The following NEDD9 variants were observed in gnomAD, a reference collection of about 807,000 sequenced individuals.
The protein encoded by NEDD9 is neural precursor cell expressed, developmentally down-regulated 9.
NEDD9 carries 26 observed loss-of-function variants against 76.6 expected under a neutral mutation model. The ratio of observed to expected loss-of-function variants is 0.34; its 90% CI spans 0.25 to 0.47. NEDD9 has a LOEUF of 0.47. NEDD9 is among the 20% of genes least tolerant of loss of function. The probability of loss-of-function intolerance (pLI) is 1.00; values close to 1 mark genes in which losing one functional copy is unlikely to be tolerated. For synonymous variants in NEDD9, 392 were observed against 414.2 expected (o/e 0.95, Z 0.65); for missense variants, 937 against 1,058.5 (o/e 0.89, Z 1.59).
chr6:11,352,668 G>A (rs1401241602), intron 1 of NEDD9: 1 of 152,162 alleles, frequency 6.6e-6, no homozygotes, highest in Non-Finnish European at 1.5e-5. Flanking sequence ...AACTCTTTGA[G>A]CTTCTGTTTC....
chr6:11,246,156 G>A (rs1450047466), intron 3 of NEDD9, among the ~76,000 whole-genome samples: 2 of 152,198 alleles, frequency 1.3e-5, no homozygotes, highest in African/African-American at 4.8e-5. Context: ...ATAAAAGAAT[G>A]TCATGGACCC....
chr6:11,330,314 G>C (rs776463666), intron 2 of NEDD9, among the ~76,000 whole-genome samples: 1 of 152,196 alleles, frequency 6.6e-6, no homozygotes, highest in African/African-American at 2.4e-5. Context: ...ATCTGTGGGA[G>C]GGAGAAGACC....
chr6:11,277,565 C>T (rs936483431), intron 3 of NEDD9, among the ~76,000 whole-genome samples: 1 of 152,158 alleles, frequency 6.6e-6, no homozygotes, highest in Admixed American at 6.5e-5. Context: ...AGAAAAGGCT[C>T]AGAGAGCAGC....
At chr6:11,288,879 A>G (rs1354578671) in intron 3 of NEDD9, among the ~76,000 whole-genome samples, 1 of 152,258 alleles carries the variant, frequency 6.6e-6, no homozygotes, top group Non-Finnish European at 1.5e-5. Context: ...TTTTACAGAC[A>G]GATGGATGTT....
At chr6:11,321,194 AAGG>A (rs1761791546) in intron 2 of NEDD9, among the ~76,000 whole-genome samples, 1 of 137,582 alleles carries the variant, frequency 7.3e-6, no homozygotes, top group Non-Finnish European at 1.6e-5. Flanking sequence ...GGAAAGAAGG[AAGG>A]AGGGAGGGAA....
chr6:11,337,262 T>C (rs556361866), intron 1 of NEDD9, among the ~76,000 whole-genome samples: 9 of 152,264 alleles, frequency 5.9e-5, no homozygotes, highest in African/African-American at 2.2e-4. Context: ...CTGGAATACT[T>C]CCTGAAGGAC....
upstream of NEDD9, among the ~76,000 whole-genome samples, chr6:11,234,853 T>C (rs1308940690): frequency 2.0e-5 from 3 of 151,830 alleles, no homozygotes; most frequent in African/African-American, 7.3e-5. Flanking sequence ...TGGGATTACA[T>C]GTGTCTGCCA....
intron 1 of NEDD9, among the ~76,000 whole-genome samples, chr6:11,357,715 C>A (rs1029352917): frequency 3.0e-4 from 46 of 152,316 alleles, no homozygotes; most frequent in African/African-American, 1.0e-3. Flanking sequence ...AGTATTCAGT[C>A]CCAATGACCC....
intron 3 of NEDD9, among the ~76,000 whole-genome samples, chr6:11,293,659 C>T (rs1760826134): frequency 6.6e-6 from 1 of 151,098 alleles, no homozygotes; most frequent in Admixed American, 6.6e-5. Context: ...TTAAGATCTA[C>T]TGTGGTAGCA....
At chr6:11,260,024 G>A (rs533741208) in intron 3 of NEDD9, among the ~76,000 whole-genome samples, 4 of 151,504 alleles carry the variant, frequency 2.6e-5, no homozygotes, top group African/African-American at 4.8e-5. Flanking sequence ...GTCAGAAATC[G>A]TACCATTAGG....
intron 3 of NEDD9, among the ~76,000 whole-genome samples, chr6:11,268,771 A>C (rs1760250404): frequency 6.6e-6 from 1 of 151,458 alleles, no homozygotes; most frequent in Non-Finnish European, 1.5e-5. Context: ...ACACACACAC[A>C]ACCAATATTT....
At chr6:11,372,544 C>A (rs1018502803) in intron 1 of NEDD9, among the ~76,000 whole-genome samples, 1 of 152,114 alleles carries the variant, frequency 6.6e-6, no homozygotes. Context: ...TATGACAGCT[C>A]TATTTTTAGT....
chr6:11,378,045 C>G (rs1220561814), intron 1 of NEDD9, among the ~76,000 whole-genome samples: 1 of 152,102 alleles, frequency 6.6e-6, no homozygotes, highest in Admixed American at 6.5e-5. Context: ...GAGCTCAAGA[C>G]CAGCCTGGCC....
intron 2 of NEDD9, among the ~76,000 whole-genome samples, chr6:11,308,151 T>G (rs1250196192): frequency 6.6e-6 from 1 of 151,972 alleles, no homozygotes; most frequent in African/African-American, 2.4e-5. Flanking sequence ...ACTTGAGGGC[T>G]CAAGAGTGAT....
At chr6:11,243,760 C>G (rs956863097) in intron 3 of NEDD9, among the ~76,000 whole-genome samples, 1 of 152,188 alleles carries the variant, frequency 6.6e-6, no homozygotes, top group Non-Finnish European at 1.5e-5. Context: ...TCTCCCTTAT[C>G]TATCTCATGC....
chr6:11,277,038 G>A (rs920119985), intron 3 of NEDD9, among the ~76,000 whole-genome samples: 21 of 151,898 alleles, frequency 1.4e-4, no homozygotes, highest in African/African-American at 5.1e-4. Context: ...TACCAGCACA[G>A]TACAAGAGGG....
intron 1 of NEDD9, among the ~76,000 whole-genome samples, chr6:11,349,533 A>T (rs1001161754): frequency 2.6e-5 from 4 of 152,250 alleles, no homozygotes; most frequent in African/African-American, 7.2e-5. Context: ...ATGGCCATCA[A>T]TGATAGACTG....
At chr6:11,374,066 C>CTCTCTCTA (rs1554136634) in intron 1 of NEDD9, among the ~76,000 whole-genome samples, 13 of 149,554 alleles carry the variant, frequency 8.7e-5, no homozygotes, top group African/African-American at 3.2e-4. Context: ...CTCTCTCTCT[C>CTCTCTCTA]TATATATATA....
intron 2 of NEDD9, among the ~76,000 whole-genome samples, chr6:11,206,218 A>C (rs1176817506): frequency 3.3e-5 from 5 of 152,056 alleles, no homozygotes; most frequent in African/African-American, 4.8e-5. Flanking sequence ...CAGGAGTTTG[A>C]GACCAGCCTG....
Sources: gnomAD v4.1 joint callset for allele counts (sites outside exome capture counted in the v4.1 genomes callset) on GRCh38, gnomAD v4.1.1 for gene constraint, MANE v1.5 for transcripts, NCBI Gene and HGNC (gene_info 2026-07-23, HGNC 2026-07-21) for gene names.